The following PDS5B variants were observed in gnomAD, a reference collection of about 807,000 sequenced individuals.
The protein encoded by PDS5B is PDS5 cohesin associated factor B, also known as sister chromatid cohesion protein PDS5 homolog B.
PDS5B carries 51 observed loss-of-function variants against 184.1 expected under a neutral mutation model. That is an observed-to-expected ratio of 0.28 (90% CI 0.22 to 0.35). The LOEUF is 0.35. Among genes scored for constraint, PDS5B ranks in the 10% least tolerant of loss-of-function variants. The probability of loss-of-function intolerance (pLI) is 1.00; values close to 1 mark genes in which losing one functional copy is unlikely to be tolerated. For synonymous variants in PDS5B, 566 were observed against 569.2 expected, an observed-to-expected ratio of 0.99 and a Z score of 0.08; for missense variants, 1,180 against 1,723.3, an observed-to-expected ratio of 0.68 and a Z score of 5.58.
chr13:32,698,231 C>T (rs1197929166), intron 15 of PDS5B, among the ~76,000 whole-genome samples: 1 of 151,998 alleles, frequency 6.6e-6, no homozygotes, highest in Non-Finnish European at 1.5e-5. Flanking sequence ...TTTCCCTACC[C>T]CCTTTTGCTT....
At chr13:32,730,876 A>G (rs930427046) in intron 19 of PDS5B, among the ~76,000 whole-genome samples, 4 of 152,258 alleles carry the variant, frequency 2.6e-5, no homozygotes, top group Non-Finnish European at 4.4e-5. Flanking sequence ...TGAATATACA[A>G]TCGTGTTATC....
intron 1 of PDS5B, among the ~76,000 whole-genome samples, chr13:32,595,136 A>G (rs945048913): frequency 5.9e-5 from 9 of 151,888 alleles, no homozygotes; most frequent in East Asian, 5.8e-4. Flanking sequence ...CATCTTTCCA[A>G]CTTGTACCTT....
At chr13:32,761,529 G>A (rs1954396727) in intron 30 of PDS5B, among the ~76,000 whole-genome samples, 1 of 152,068 alleles carries the variant, frequency 6.6e-6, no homozygotes, top group Admixed American at 6.6e-5. Context: ...ACCCATGTGT[G>A]TTTGATGTTC....
At chr13:32,773,135 T>C in intron 33 of PDS5B, 54 bp from the exon 34 acceptor site, 1 of 1,467,880 alleles carries the variant, frequency 6.8e-7, no homozygotes, top group South Asian at 1.3e-5. Flanking sequence ...TCTAACGAGG[T>C]AATCTACTGA....
chr13:32,749,987 C>A (rs1225088797), intron 24 of PDS5B, among the ~76,000 whole-genome samples: 1 of 152,098 alleles, frequency 6.6e-6, no homozygotes, highest in Non-Finnish European at 1.5e-5. Flanking sequence ...TAATACCAGT[C>A]AAAAGGATAA....
At position 32,673,312 on chromosome 13, in the gene PDS5B, C is replaced by T; in HGVS notation, c.802C>T (p.His268Tyr). 1 of 1,612,820 alleles carries T rather than the reference C, an allele frequency of 6.2e-7. No individual in the cohort carries two copies. Among genetic ancestry groups the T allele is most frequent in the Non-Finnish European group, 8.5e-7 (1 of 1,179,194 alleles). The change falls in exon 8 of 35, where the codon CAT becomes TAT. Residue 268 changes from histidine to tyrosine, a missense_variant. Transcript: ENST00000315596. ...LILELYNIDS[H>Y]LLLSVLPQLE... ...TTTGGAGCTCTACAATATTGATAGT[C>T]ATTTGCTGCTCTCTGTTTTACCCCA...
At chr13:32,673,590 G>C (rs972423658) in intron 8 of PDS5B, among the ~76,000 whole-genome samples, 5 of 152,112 alleles carry the variant, frequency 3.3e-5, no homozygotes, top group African/African-American at 1.2e-4. Context: ...TTTTCCTCCA[G>C]ACATTTTCCA....
intron 1 of PDS5B, among the ~76,000 whole-genome samples, chr13:32,626,695 C>G (rs2058376104): frequency 1.3e-5 from 2 of 152,098 alleles, no homozygotes; most frequent in South Asian, 2.1e-4. Context: ...CTATTGGAAT[C>G]TCTTATAAAT....
In PDS5B at chr13:32,745,962, C is replaced by G. The variant is rs185909481; in HGVS notation, c.2613-15C>G. The stretch of plus-strand genomic sequence containing the variant: ...TTTTAAATGCTAATCTATATTCATT[C>G]TACTCATTTTTCAGTAAACCAGATA... On this transcript the variant is annotated splice_polypyrimidine_tract_variant and intron_variant, in intron 23 of 34. Coordinates refer to ENST00000315596, the MANE Select transcript of PDS5B (RefSeq NM_015032.4). The G allele has an allele frequency of 7.5e-4, 1,187 of 1,593,168 alleles. 2 individuals are homozygous for G. Among genetic ancestry groups the G allele is most frequent in the Admixed American group, 2.5e-3 (146 of 59,544 alleles).
chr13:32,772,708 T>C (rs1336089714), intron 33 of PDS5B, among the ~76,000 whole-genome samples: 1 of 152,186 alleles, frequency 6.6e-6, no homozygotes, highest in East Asian at 1.9e-4. Flanking sequence ...TAACATCATC[T>C]GTTCTTGTAC....
chr13:32,681,081 C>T (rs1029600936), intron 10 of PDS5B, among the ~76,000 whole-genome samples: 5 of 152,142 alleles, frequency 3.3e-5, no homozygotes, highest in African/African-American at 1.2e-4. Flanking sequence ...CCAACGTATA[C>T]GTTTCCTTCT....
At chr13:32,629,911 A>G (rs1417450043) in intron 1 of PDS5B, among the ~76,000 whole-genome samples, 1 of 152,228 alleles carries the variant, frequency 6.6e-6, no homozygotes, top group East Asian at 1.9e-4. Flanking sequence ...TTCCAAAAAC[A>G]TCTTTCAGCA....
At chr13:32,713,457 A>C (rs778625696) in intron 19 of PDS5B, among the ~76,000 whole-genome samples, 1 of 152,224 alleles carries the variant, frequency 6.6e-6, no homozygotes, top group Non-Finnish European at 1.5e-5. Flanking sequence ...AAGGAAGGTA[A>C]ACAGCAAATG....
intron 8 of PDS5B, 63 bp from the exon 9 acceptor site, chr13:32,675,781 T>G (rs1951048499): frequency 2.3e-6 from 2 of 887,176 alleles, no homozygotes; most frequent in Admixed American, 4.1e-5. Context: ...TGGCAAAGAA[T>G]GGGCAGCCTT....
intron 1 of PDS5B, among the ~76,000 whole-genome samples, chr13:32,631,462 TTAATA>T (rs1321201480): frequency 3.3e-5 from 5 of 152,340 alleles, no homozygotes; most frequent in African/African-American, 1.2e-4. Context: ...TCCTTCAACT[TTAATA>T]TAAGCTATGC....
intron 3 of PDS5B, among the ~76,000 whole-genome samples, chr13:32,657,378 A>T (rs530990786): frequency 6.6e-6 from 1 of 152,172 alleles, no homozygotes; most frequent in Non-Finnish European, 1.5e-5. Context: ...AAATTAGAAT[A>T]GCAACCCCTG....
intron 33 of PDS5B, among the ~76,000 whole-genome samples, chr13:32,771,256 T>C (rs1399194849): frequency 6.6e-6 from 1 of 152,200 alleles, no homozygotes; most frequent in Non-Finnish European, 1.5e-5. Flanking sequence ...GTGTTTGATA[T>C]CTTGATTTTG....
intron 9 of PDS5B, among the ~76,000 whole-genome samples, chr13:32,677,031 A>T (rs1484192937): frequency 6.6e-6 from 1 of 151,340 alleles, no homozygotes; most frequent in African/African-American, 2.4e-5. Context: ...TTACATTTTA[A>T]TGAAAACTGT....
intron 10 of PDS5B, among the ~76,000 whole-genome samples, chr13:32,679,909 G>GTC (rs1555301532): frequency 1.7e-4 from 26 of 149,510 alleles, no homozygotes; most frequent in Middle Eastern, 3.4e-3. Context: ...GTGTGTGTGT[G>GTC]TGTGTGTCTG....
Sources: gnomAD v4.1 joint callset for allele counts (sites outside exome capture counted in the v4.1 genomes callset) on GRCh38, gnomAD v4.1.1 for gene constraint, MANE v1.5 for transcripts, NCBI Gene and HGNC (gene_info 2026-07-23, HGNC 2026-07-21) for gene names.